The following PRPF40B variants were observed in gnomAD, a reference collection of about 807,000 sequenced individuals.
PRPF40B encodes pre-mRNA-processing factor 40 homolog B.
PRPF40B carries 56 observed loss-of-function variants against 124.5 expected under a neutral mutation model. That is an observed-to-expected ratio of 0.45 (90% confidence interval 0.36 to 0.56). PRPF40B has a LOEUF of 0.56. PRPF40B is among the 20% of genes least tolerant of loss of function. The pLI, the probability that PRPF40B is intolerant of heterozygous loss-of-function variation, is 0.00. For missense variants in PRPF40B, 1,053 were observed against 1,169.5 expected (o/e 0.90, Z 1.45); for synonymous variants, 443 against 426.4 (o/e 1.04, Z -0.48).
chr12:49,637,648 C>T, intron 17 of PRPF40B, 64 bp downstream of exon 17: 3 of 1,569,140 alleles, frequency 1.9e-6, no homozygotes, highest in East Asian at 2.2e-5. Flanking sequence ...CTCTGCACCC[C>T]CTACTACCGG....
intron 2 of PRPF40B, 96 bp downstream of exon 2, chr12:49,630,721 T>C (rs1360042227): frequency 3.1e-6 from 2 of 643,608 alleles, no homozygotes; most frequent in African/African-American, 1.8e-5. Flanking sequence ...ACAGTTTTCC[T>C]GTAATGCCCC....
chr12:49,630,536 C>T lies in PRPF40B; in HGVS notation c.4-9C>T, dbSNP rs1311803674. On this transcript the variant is annotated splice_polypyrimidine_tract_variant and intron_variant, in intron 1 of 25. Coordinates refer to ENST00000548825, the MANE Select transcript of PRPF40B (RefSeq NM_001031698.3). ...TCCTGGGTCCTATGACTTTTCTCTCCCTCAACAGTCGGTTCCCGATTCTGG... is the reference window on the plus strand; with the variant it reads ...TCCTGGGTCCTATGACTTTTCTCTCTCTCAACAGTCGGTTCCCGATTCTGG... 5 of 1,351,778 alleles carry T rather than the reference C, an allele frequency of 3.7e-6. No homozygotes were observed. Among genetic ancestry groups the T allele is most frequent in the Non-Finnish European group, 5.2e-6 (5 of 961,070 alleles). The allele number at this position is 1,351,778 out of a possible 1,614,324, so 83.7% of individuals were successfully genotyped here.
intron 1 of PRPF40B, chr12:49,623,821 T>TG: frequency 2.0e-6 from 2 of 997,718 alleles, no homozygotes; most frequent in Non-Finnish European, 2.3e-6. Flanking sequence ...GGGCGAAAGG[T>TG]GCGAGAGTGG....
In PRPF40B at chr12:49,623,583, G is replaced by A; in HGVS notation, c.-8G>A. 9.7e-6 allele frequency: 12 copies of A among 1,235,892 alleles called. No homozygotes were observed. The highest frequency in any genetic ancestry group is 1.2e-5 in the Non-Finnish European group (12 of 990,136). 76.6% of individuals were successfully genotyped at this position (1,235,892 alleles called of 1,614,324 possible). A position where few individuals can be genotyped will look rare whatever the true frequency, so the allele number is the denominator to read the frequency against. ...GCTGAGCCGGCCCAGCTGCTCGGAGGCTCTGGCATGGTAACATCCCCGCGC... is the reference window on the plus strand; with the variant it reads ...GCTGAGCCGGCCCAGCTGCTCGGAGACTCTGGCATGGTAACATCCCCGCGC... On this transcript the variant is annotated 5_prime_UTR_variant, in exon 1 of 26. Coordinates refer to ENST00000548825, the MANE Select transcript of PRPF40B (RefSeq NM_001031698.3).
At chr12:49,641,808 G>C in intron 18 of PRPF40B, 100 bp from the exon 19 acceptor site, 2 of 951,942 alleles carry the variant, frequency 2.1e-6, no homozygotes, top group Non-Finnish European at 3.3e-6. Flanking sequence ...CTCTTCCAGA[G>C]GCAAGGGCCT....
chr12:49,622,762 G>C (rs1462103144), upstream of PRPF40B: 1 of 152,332 alleles, frequency 6.6e-6, no homozygotes, highest in Non-Finnish European at 1.5e-5. Flanking sequence ...GGAACAGGAA[G>C]CGCCTTTTGC....
chr12:49,623,903 G>A lies in PRPF40B; in HGVS notation c.3+310G>A, dbSNP rs554117314. The A allele has an allele frequency of 7.9e-5, 91 of 1,158,016 alleles. No individual in the cohort carries two copies. The South Asian group carries it at 3.8e-3, about 48-fold the overall frequency. 71.7% of individuals were successfully genotyped at this position (1,158,016 alleles called of 1,614,324 possible). A position where few individuals can be genotyped will look rare whatever the true frequency, so the allele number is the denominator to read the frequency against. ...CGGAGAAAGATCGGGAAAGAAGAGA[G>A]AGGGCGGAGATGAGGGGACTGAGGG... On this transcript the variant is annotated intron_variant, in intron 1 of 25. Coordinates refer to ENST00000548825, the MANE Select transcript of PRPF40B (RefSeq NM_001031698.3).
intron 4 of PRPF40B, 81 bp downstream of exon 4, chr12:49,632,006 C>T (rs1941271053): frequency 1.5e-6 from 2 of 1,356,660 alleles, no homozygotes; most frequent in East Asian, 2.3e-5. Context: ...CTATGACCTC[C>T]ATTCTTTCCC....
In PRPF40B at chr12:49,642,980, C is replaced by T; in HGVS notation, c.2169C>T (p.Gly723=). ...HTKGRKHGRK[G]KKHHHKRSHS... ...AAGGCCGAAAGCATGGCAGGAAAGG[C>T]AAGAAGCACCATCACAAGCGTTCCC... Residue 723 remains glycine, a synonymous_variant, in exon 22 of 26, where the codon GGC becomes GGT. Transcript: ENST00000548825. The surrounding 1 kb of genome is among the most constrained non-coding windows in gnomAD (Gnocchi z 5.8). 6.2e-7 allele frequency: 1 copy of T among 1,613,852 alleles called. No individual in the cohort carries two copies.
intron 1 of PRPF40B, among the ~76,000 whole-genome samples, chr12:49,627,694 A>T (rs1674804334): frequency 6.6e-6 from 1 of 152,130 alleles, no homozygotes; most frequent in African/African-American, 2.4e-5. Context: ...GAAGAGTTTT[A>T]AGCAGGGGGC....
chr12:49,623,088 C>A (rs1471689073), upstream of PRPF40B, among the ~76,000 whole-genome samples: 1 of 150,988 alleles, frequency 6.6e-6, no homozygotes, highest in African/African-American at 2.4e-5. Context: ...GCTGTGTGCT[C>A]AGTCCCTGAG....
chr12:49,622,892 C>T (rs141514651), upstream of PRPF40B, among the ~76,000 whole-genome samples: 1 of 152,364 alleles, frequency 6.6e-6, no homozygotes, highest in African/African-American at 2.4e-5. Flanking sequence ...GTTTCCTCAG[C>T]CGCACAGCAA....
chr12:49,642,964 A>G lies in PRPF40B; in HGVS notation c.2153A>G (p.Lys718Arg). The change falls in exon 22 of 26, where the codon AAG (lysine) becomes AGG (arginine). Residue 718 changes from lysine (K) to arginine (R), a missense_variant. Coordinates refer to ENST00000548825, the MANE Select transcript of PRPF40B (RefSeq NM_001031698.3). The surrounding 1 kb of genome is among the most constrained non-coding windows in gnomAD (Gnocchi z 5.8). Reference sequence around the variant, plus strand: ...CAGCACCTCCACACCAAAGGCCGAAAGCATGGCAGGAAAGGCAAGAAGCAC... The same window carrying G: ...CAGCACCTCCACACCAAAGGCCGAAGGCATGGCAGGAAAGGCAAGAAGCAC... ...ECQHLHTKGR[K>R]HGRKGKKHHH... 1 of 1,613,906 alleles carries G rather than the reference A, an allele frequency of 6.2e-7. No homozygotes were observed. Among genetic ancestry groups the G allele is most frequent in the Non-Finnish European group, 8.5e-7 (1 of 1,179,864 alleles).
Position 49,636,830 on chromosome 12 carries a change from A to G in PRPF40B, c.1541A>G (p.Lys514Arg), listed in dbSNP as rs1941878980. ...CTTCGGGAGCGACGCCAACAACGCA[A>G]GAATCGGGAGGCCTTCCAGGTATCT... ...ARLRERRQQR[K>R]NREAFQTFLD... The change falls in exon 16 of 26, where the codon AAG (lysine) becomes AGG (arginine). Residue 514 changes from lysine (K) to arginine (R), a missense_variant. Coordinates refer to ENST00000548825, the MANE Select transcript of PRPF40B (RefSeq NM_001031698.3). 3 of 1,614,096 alleles carry G rather than the reference A, an allele frequency of 1.9e-6. No homozygotes were observed. Among genetic ancestry groups the G allele is most frequent in the South Asian group, 2.2e-5 (2 of 91,078 alleles).
chr12:49,637,144 G>T, intron 16 of PRPF40B: 4 of 573,774 alleles, frequency 7.0e-6, no homozygotes, highest in South Asian at 4.4e-5. Flanking sequence ...TGGGGCACCC[G>T]ACAGGCAGAG....
intron 1 of PRPF40B, among the ~76,000 whole-genome samples, chr12:49,629,092 T>C (rs990892671): frequency 6.6e-6 from 1 of 152,254 alleles, no homozygotes; most frequent in Non-Finnish European, 1.5e-5. Context: ...TGTTTGTTTT[T>C]GAATGGGCAA....
chr12:49,633,591 T>C, intron 8 of PRPF40B, 44 bp downstream of exon 8: 2 of 1,614,188 alleles, frequency 1.2e-6, no homozygotes, highest in Non-Finnish European at 1.7e-6. Flanking sequence ...CTCTGGGGGC[T>C]CCCTATTGCC....
At position 49,631,580 on chromosome 12, in the gene PRPF40B, C is replaced by G; in HGVS notation, c.228+36C>G. On this transcript the variant is annotated intron_variant, in intron 3 of 25. Transcript: ENST00000548825. This position sits in a 1 kb window ranked among gnomAD's most constrained non-coding sequence, Gnocchi z 4.3. The stretch of plus-strand genomic sequence containing the variant: ...CTCCTCCCCTGGGGCCTCAGAAAAC[C>G]CTGTCAGTTTAGCTGGGGGTGGAGA... The G allele has an allele frequency of 3.9e-6, 6 of 1,534,556 alleles. No homozygotes were observed. The highest frequency in any genetic ancestry group is 4.4e-6 in the Non-Finnish European group (5 of 1,144,176).
Position 49,634,419 on chromosome 12 carries a change from G to A in PRPF40B, c.900G>A (p.Lys300=), listed in dbSNP as rs1182501288. The change falls in exon 11 of 26, where the codon AAG becomes AAA. Residue 300 remains lysine, a synonymous_variant. Transcript: ENST00000548825. ...GCCTCAGTTGGAGCAACCGGGAGAA[G>A]GCAAAGCAGGCATTCAAGGAACTGC... is the stretch of plus-strand genomic sequence containing the variant. ...RSGLSWSNRE[K]AKQAFKELLR... is the part of the protein sequence containing the mutation. 1 of 1,614,226 alleles carries A rather than the reference G, an allele frequency of 6.2e-7. No homozygotes were observed. Among genetic ancestry groups the A allele is most frequent in the Non-Finnish European group, 8.5e-7 (1 of 1,180,030 alleles).
Sources: allele counts gnomAD v4.1 joint callset (sites outside exome capture counted in the v4.1 genomes callset), GRCh38; gene constraint gnomAD v4.1.1; non-coding constraint Gnocchi (gnomAD v3.1); transcripts MANE v1.5; gene names NCBI Gene and HGNC (gene_info 2026-07-23, HGNC 2026-07-21).